Variants in IL7R observed in about 807,000 individuals in gnomAD.
IL7R encodes interleukin-7 receptor subunit alpha.
Under a neutral mutation model 47.0 loss-of-function variants are expected in IL7R, and 38 were observed. That is an observed-to-expected ratio of 0.81 (90% CI 0.62 to 1.06). The LOEUF is 1.06. Ranked by LOEUF, IL7R falls within the 50% of genes least tolerant of loss-of-function variation. The pLI is 0.00. For missense variants in IL7R, 633 were observed against 534.8 expected (o/e 1.18, Z -1.81); for synonymous variants, 221 against 199.8 (o/e 1.11, Z -0.89).
At chr5:35,861,121 G>T in intron 2 of IL7R, 131 bp downstream of exon 2, 2 of 990,124 alleles carry the variant, frequency 2.0e-6, no homozygotes, top group Non-Finnish European at 1.6e-6. Context: ...AATTCCCAAA[G>T]GCCTCCTGAA....
At chr5:35,864,839 T>C (rs1759898694) in intron 2 of IL7R, among the ~76,000 whole-genome samples, 1 of 152,136 alleles carries the variant, frequency 6.6e-6, no homozygotes, top group African/African-American at 2.4e-5. Flanking sequence ...ATCATTTATT[T>C]TCTTTTATAT....
rs150736103 is a variant in IL7R, at chr5:35,865,846, A to G, written c.222-1460A>G. Among the ~76,000 whole-genome samples the G allele has an allele frequency of 1.1e-3, 173 of 152,304 alleles. 1 individual carries two copies. Among genetic ancestry groups the G allele is most frequent in the African/African-American group, 4.0e-3 (168 of 41,582 alleles). On this transcript the variant is annotated intron_variant, in intron 2 of 7. Transcript: ENST00000303115. The stretch of plus-strand genomic sequence containing the variant: ...AGACATTTATGCAGCCAAAAGACAC[A>G]TGAAAAAATGCTCATCATCAATGGC...
chr5:35,876,753 G>A lies in IL7R; in HGVS notation c.*267G>A. ...ATGATTCAGCTATTTAAAAAAAAAA[G>A]AGGAAAGAATGAAAGAGTAAAGGAA... On this transcript the variant is annotated 3_prime_UTR_variant, in exon 8 of 8. Coordinates refer to ENST00000303115, the MANE Select transcript of IL7R (RefSeq NM_002185.5). 2.0e-6 allele frequency: 1 copy of A among 492,738 alleles called. No homozygotes were observed. Among genetic ancestry groups the A allele is most frequent in the Non-Finnish European group, 3.6e-6 (1 of 274,748 alleles). The allele number at this position is 492,738 out of a possible 1,614,324, so 30.5% of individuals were successfully genotyped here. A position where few individuals can be genotyped will look rare whatever the true frequency, so the allele number is the denominator to read the frequency against.
intron 1 of IL7R, among the ~76,000 whole-genome samples, chr5:35,859,231 G>A (rs1215806305): frequency 6.6e-6 from 1 of 152,144 alleles, no homozygotes; most frequent in Non-Finnish European, 1.5e-5. Flanking sequence ...ATCTGCTAGA[G>A]TGTGCTGTCT....
chr5:35,857,032 T>G lies in IL7R; in HGVS notation c.55T>G (p.Ser19Ala). Reference protein sequence around the residue: ...GMVFSLLQVVSGESGYAQNGD... With the variant: ...GMVFSLLQVVAGESGYAQNGD... ...GGTTTTTTCTTTACTTCAAGTCGTT[T>G]CTGGAGAAAGTGGCTATGCTCAAAA... Residue 19 changes from serine (S) to alanine (A), a missense_variant, in exon 1 of 8, where the codon TCT becomes GCT. Ser to Ala is a moderately conservative substitution (Grantham distance 99, BLOSUM62 1). Coordinates refer to ENST00000303115, the MANE Select transcript of IL7R (RefSeq NM_002185.5). 1 of 1,609,866 alleles carries G rather than the reference T, an allele frequency of 6.2e-7. No individual in the cohort carries two copies. The highest frequency in any genetic ancestry group is 8.5e-7 in the Non-Finnish European group (1 of 1,176,632).
At chr5:35,859,917 T>C (rs538636947) in intron 1 of IL7R, among the ~76,000 whole-genome samples, 1 of 150,478 alleles carries the variant, frequency 6.6e-6, no homozygotes, top group African/African-American at 2.5e-5. Context: ...CAGGTCCCAG[T>C]GGGTGTATAT....
intron 4 of IL7R, 76 bp from the exon 5 acceptor site, chr5:35,873,404 C>T: frequency 1.6e-6 from 2 of 1,221,628 alleles, no homozygotes; most frequent in Non-Finnish European, 2.4e-6. Context: ...AAAGGAATCC[C>T]AATTGAAATG....
rs1369668868 is a variant in IL7R at position 35,871,226 on chromosome 5, A to G, written c.537+13A>G. ...AAACAAATGGACGGTATGTAGTTCA[A>G]CTACATTAATAAAATAAAAACTTAT... is the stretch of plus-strand genomic sequence containing the variant. On this transcript the variant is annotated intron_variant, in intron 4 of 7. Transcript: ENST00000303115. 3 of 1,599,036 alleles carry G rather than the reference A, an allele frequency of 1.9e-6. No individual in the cohort carries two copies. The highest frequency in any genetic ancestry group is 2.6e-6 in the Non-Finnish European group (3 of 1,167,096).
chr5:35,860,782 A>C (rs2149895523), intron 1 of IL7R, 70 bp from the exon 2 acceptor site: 1 of 1,441,528 alleles, frequency 6.9e-7, no homozygotes, highest in South Asian at 1.1e-5. Context: ...TATTTTATTA[A>C]GGTCATGCCA....
intron 7 of IL7R, 57 bp downstream of exon 7, chr5:35,875,644 A>G (rs752312661): frequency 2.1e-5 from 26 of 1,248,016 alleles, no homozygotes; most frequent in Non-Finnish European, 3.0e-5. Flanking sequence ...GTGGCCAAGA[A>G]TGATATTCCA....
intron 5 of IL7R, 129 bp from the exon 6 acceptor site, chr5:35,874,319 CT>C (rs1760151140): frequency 3.9e-6 from 3 of 773,848 alleles, no homozygotes; most frequent in Non-Finnish European, 4.7e-6. Context: ...AAATATGTCT[CT>C]TAACTGAAAA....
intron 7 of IL7R, 46 bp downstream of exon 7, chr5:35,875,633 A>T (rs201897337): frequency 2.3e-6 from 3 of 1,326,902 alleles, no homozygotes; most frequent in Non-Finnish European, 3.3e-6. Context: ...GCAACATCCC[A>T]GTGGCCAAGA....
rs545307253 is a variant in IL7R at position 35,871,087 on chromosome 5, C to T, written c.411C>T (p.Val137=). Residue 137 remains valine (V), a synonymous_variant, in exon 4 of 8, where the codon GTC becomes GTT. Coordinates refer to ENST00000303115, the MANE Select transcript of IL7R (RefSeq NM_002185.5). ...CTGAGGCTCCTTTTGACCTGAGTGT[C>T]GTCTATCGGGAAGGAGCCAATGACT... The part of the protein sequence containing the change: ...VKPEAPFDLS[V]VYREGANDFV... The T allele has an allele frequency of 2.5e-6, 4 of 1,612,476 alleles. No homozygotes were observed. In the Admixed American group the frequency reaches 5.0e-5, roughly 20 times the overall value.
chr5:35,863,224 A>G (rs765574719), intron 2 of IL7R, among the ~76,000 whole-genome samples: 6 of 152,184 alleles, frequency 3.9e-5, no homozygotes, highest in East Asian at 1.9e-4. Context: ...AATAATCAAT[A>G]CATTTAGCCA....
At chr5:35,874,635 G>C in intron 6 of IL7R, 93 bp downstream of exon 6, 3 of 960,386 alleles carry the variant, frequency 3.1e-6, no homozygotes, top group Non-Finnish European at 5.1e-6. Flanking sequence ...ACCACAAAGG[G>C]GATTAAGGCA....
rs200135239 is a variant in IL7R at position 35,871,232 on chromosome 5, T to C, written c.537+19T>C. On this transcript the variant is annotated intron_variant, in intron 4 of 7. Coordinates refer to ENST00000303115, the MANE Select transcript of IL7R (RefSeq NM_002185.5). ...ATGGACGGTATGTAGTTCAACTACA[T>C]TAATAAAATAAAAACTTATGAATGT... 2.6e-5 allele frequency: 41 copies of C among 1,593,398 alleles called. 1 individual carries two copies. The highest frequency in any genetic ancestry group is 1.3e-4 in the Admixed American group (8 of 59,878).
Position 35,871,217 on chromosome 5 carries a change from T to C in IL7R, c.537+4T>C, listed in dbSNP as rs200625485. On this transcript the variant is annotated splice_donor_region_variant and intron_variant, in intron 4 of 7. Coordinates refer to ENST00000303115, the MANE Select transcript of IL7R (RefSeq NM_002185.5). ...AAAGGATGAAAACAAATGGACGGTA[T>C]GTAGTTCAACTACATTAATAAAATA... 8 of 1,608,130 alleles carry C rather than the reference T, an allele frequency of 5.0e-6. No homozygotes were observed. In the East Asian group the frequency reaches 1.6e-4, roughly 31 times the overall value.
chr5:35,874,940 G>A (rs1295573482), intron 6 of IL7R, among the ~76,000 whole-genome samples: 1 of 152,190 alleles, frequency 6.6e-6, no homozygotes, highest in Non-Finnish European at 1.5e-5. Flanking sequence ...TAAAAATGAT[G>A]TTTTAAACAT....
At chr5:35,861,125 T>C (rs1424232096) in intron 2 of IL7R, 135 bp downstream of exon 2, 1 of 913,342 alleles carries the variant, frequency 1.1e-6, no homozygotes, top group Non-Finnish European at 1.8e-6. Flanking sequence ...CCCAAAGGCC[T>C]CCTGAAACTC....
Sources: gnomAD v4.1 joint callset for allele counts (sites outside exome capture counted in the v4.1 genomes callset) on GRCh38, gnomAD v4.1.1 for gene constraint, MANE v1.5 for transcripts, NCBI Gene and HGNC (gene_info 2026-07-23, HGNC 2026-07-21) for gene names.